SEMA5A: variants seen among roughly 807,000 people sequenced by gnomAD.
SEMA5A encodes semaphorin-5A.
In SEMA5A, 55 loss-of-function variants were observed where a neutral mutation model predicts 135.5. The observed-to-expected ratio is 0.41, with a 90% CI of 0.33 to 0.51. The LOEUF is 0.51. Among genes scored for constraint, SEMA5A ranks in the 20% least tolerant of loss-of-function variants. SEMA5A has a pLI of 0.37. For missense variants in SEMA5A, 1,290 were observed against 1,419.9 expected, an observed-to-expected ratio of 0.91 and a Z score of 1.47; for synonymous variants, 580 against 546.5, an observed-to-expected ratio of 1.06 and a Z score of -0.85.
chr5:9,527,312 CAGTCCAG>C lies in SEMA5A; in HGVS notation c.-175+18265_-175+18271del, dbSNP rs556298933. 1.4e-3 allele frequency among the ~76,000 whole-genome samples: 218 copies of C among 152,312 alleles called. 1 individual carries two copies. The highest frequency in any genetic ancestry group is 5.0e-3 in the African/African-American group (206 of 41,570). Reference sequence around the variant, plus strand: ...GCAGAGGGCTAGCAAGACTTCAATGCAGTCCAGAGCCTGGAGGAGGCTCCAGAGGATC... The same window carrying C: ...GCAGAGGGCTAGCAAGACTTCAATGCAGCCTGGAGGAGGCTCCAGAGGATC... On this transcript the variant is annotated intron_variant, in intron 1 of 22. Transcript: ENST00000382496.
chr5:9,292,104 G>C (rs765892101), intron 5 of SEMA5A, among the ~76,000 whole-genome samples: 4 of 150,864 alleles, frequency 2.7e-5, no homozygotes, highest in Non-Finnish European at 6.0e-5. Flanking sequence ...AGAAGCAACA[G>C]TGGCGTTTAG....
intron 18 of SEMA5A, among the ~76,000 whole-genome samples, chr5:9,057,466 T>G (rs1360877625): frequency 6.6e-6 from 1 of 152,256 alleles, no homozygotes. Flanking sequence ...CCAATGTGTA[T>G]GTGATCTAGT....
chr5:9,338,891 A>C (rs1753516806), intron 3 of SEMA5A, among the ~76,000 whole-genome samples: 1 of 152,138 alleles, frequency 6.6e-6, no homozygotes, highest in South Asian at 2.1e-4. Flanking sequence ...TGTGAATGAG[A>C]GGGACTATTT....
intron 2 of SEMA5A, among the ~76,000 whole-genome samples, chr5:9,424,032 A>G (rs896767150): frequency 1.3e-5 from 2 of 152,236 alleles, no homozygotes; most frequent in African/African-American, 2.4e-5. Context: ...CAAATTTTTA[A>G]TGTCAGAAAG....
At chr5:9,132,117 T>G (rs1741470245) in intron 13 of SEMA5A, among the ~76,000 whole-genome samples, 1 of 152,172 alleles carries the variant, frequency 6.6e-6, no homozygotes, top group African/African-American at 2.4e-5. Context: ...AATCAATATG[T>G]GAGTAAACTA....
rs565400607 is a variant in SEMA5A, at chr5:9,138,370, GTTA to G, written c.1482-1752_1482-1750del. Among the ~76,000 whole-genome samples, 8 of 152,056 alleles carry G rather than the reference GTTA, an allele frequency of 5.3e-5. No homozygotes were observed. In the South Asian group the frequency reaches 1.2e-3, roughly 24 times the overall value. On this transcript the variant is annotated intron_variant, in intron 12 of 22. Transcript: ENST00000382496. ...ATCTATATATACATATATATATTTT[GTTA>G]TTGTTTATAGGCAAATATATGTTTT...
chr5:9,543,045 C>T (rs182704397), intron 1 of SEMA5A, among the ~76,000 whole-genome samples: 12 of 152,210 alleles, frequency 7.9e-5, no homozygotes, highest in Non-Finnish European at 1.6e-4. Context: ...AAACTAATCA[C>T]CAAGTTAAGT....
At chr5:9,183,459 G>A (rs535670288) in intron 11 of SEMA5A, among the ~76,000 whole-genome samples, 2 of 152,320 alleles carry the variant, frequency 1.3e-5, no homozygotes, top group Admixed American at 1.3e-4. Context: ...AAGCCCAGGT[G>A]CAGCAACAGC....
intron 12 of SEMA5A, 137 bp downstream of exon 12, chr5:9,154,351 T>C (rs1742832928): frequency 5.8e-6 from 4 of 694,592 alleles, no homozygotes; most frequent in African/African-American, 3.6e-5. Context: ...CTCTGCATCC[T>C]AGAGCACAGG....
chr5:9,454,897 A>G lies in SEMA5A; in HGVS notation c.-174-17045T>C, dbSNP rs116376774. ...TCAAAAGAAAGTGAACAAAAATAAA[A>G]GAACTAGATGACATGTGTTCTCAGA... On this transcript the variant is annotated intron_variant, in intron 1 of 22. Transcript: ENST00000382496. 8.3e-3 allele frequency among the ~76,000 whole-genome samples: 1,257 copies of G among 152,358 alleles called. 19 individuals carry two copies. The highest frequency in any genetic ancestry group is 0.029 in the African/African-American group (1,197 of 41,578).
Position 9,042,708 on chromosome 5 carries a change from GAT to G in SEMA5A, c.*187_*188del. 1.7e-6 allele frequency: 1 copy of G among 595,518 alleles called. No individual in the cohort carries two copies. Among genetic ancestry groups the G allele is most frequent in the Middle Eastern group, 3.4e-4 (1 of 2,934 alleles). 36.9% of individuals were successfully genotyped at this position (595,518 alleles called of 1,614,324 possible). ...ATTCAACAATGGTCAAGATTTTCAC[GAT>G]GTCTTATTTCAATTTTTGTTGCTTT... is the stretch of plus-strand genomic sequence containing the variant. On this transcript the variant is annotated 3_prime_UTR_variant, in exon 23 of 23. Coordinates refer to ENST00000382496, the MANE Select transcript of SEMA5A (RefSeq NM_003966.3).
intron 19 of SEMA5A, among the ~76,000 whole-genome samples, chr5:9,053,124 C>G (rs192270283): frequency 6.6e-6 from 1 of 152,026 alleles, no homozygotes; most frequent in Non-Finnish European, 1.5e-5. Context: ...AAAGTTAGAC[C>G]AAGAAAAGAA....
chr5:9,383,826 A>T (rs1250464440), intron 2 of SEMA5A, among the ~76,000 whole-genome samples: 1 of 152,154 alleles, frequency 6.6e-6, no homozygotes, highest in East Asian at 1.9e-4. Context: ...AGAAGCCCTA[A>T]CATCTTTGCC....
At chr5:9,369,498 C>T (rs1396403436) in intron 3 of SEMA5A, among the ~76,000 whole-genome samples, 1 of 152,270 alleles carries the variant, frequency 6.6e-6, no homozygotes, top group East Asian at 1.9e-4. Flanking sequence ...GGTCTGTCAT[C>T]CCTATCAGGT....
At chr5:9,203,666 A>G (rs754014452) in intron 8 of SEMA5A, among the ~76,000 whole-genome samples, 9 of 152,214 alleles carry the variant, frequency 5.9e-5, no homozygotes, top group Non-Finnish European at 1.3e-4. Flanking sequence ...AATGTAATAA[A>G]TACTCTAAAT....
chr5:9,386,594 C>T (rs73052677), intron 2 of SEMA5A, among the ~76,000 whole-genome samples: 1,523 of 152,268 alleles, frequency 0.01, 38 homozygotes, highest in African/African-American at 0.034. Flanking sequence ...GACTGTCTTC[C>T]GTGGTCACAC....
intron 16 of SEMA5A, among the ~76,000 whole-genome samples, chr5:9,071,470 C>T (rs1459748915): frequency 6.6e-6 from 1 of 152,102 alleles, no homozygotes; most frequent in Non-Finnish European, 1.5e-5. Context: ...TTTATATTAC[C>T]AATCTTGGGC....
intron 2 of SEMA5A, among the ~76,000 whole-genome samples, chr5:9,408,279 A>T (rs1756976562): frequency 6.6e-6 from 1 of 152,224 alleles, no homozygotes; most frequent in South Asian, 2.1e-4. Context: ...ATTGGGCTCC[A>T]GCACAATCAA....
chr5:9,316,683 T>C (rs190030192), intron 5 of SEMA5A, among the ~76,000 whole-genome samples: 234 of 152,320 alleles, frequency 1.5e-3, no homozygotes, highest in Non-Finnish European at 2.9e-3. Flanking sequence ...AAAAATTATA[T>C]ATATTGATAG....
Sources: allele counts gnomAD v4.1 joint callset (sites outside exome capture counted in the v4.1 genomes callset), GRCh38; gene constraint gnomAD v4.1.1; transcripts MANE v1.5; gene names NCBI Gene and HGNC (gene_info 2026-07-23, HGNC 2026-07-21).